The following TECRL variants were observed in gnomAD, a reference collection of about 807,000 sequenced individuals.
TECRL encodes trans-2,3-enoyl-CoA reductase-like.
TECRL carries 63 observed loss-of-function variants against 52.8 expected under a neutral mutation model. The observed-to-expected ratio is 1.19, with a 90% CI of 0.97 to 1.47. TECRL has a LOEUF of 1.47. TECRL is among the 40% of genes most tolerant of loss of function. TECRL has a pLI of 0.00. For synonymous variants in TECRL, 164 were observed against 141.9 expected (o/e 1.16, Z -1.10); for missense variants, 482 against 429.6 (o/e 1.12, Z -1.08).
intron 1 of TECRL, among the ~76,000 whole-genome samples, chr4:64,400,766 T>C (rs1413221245): frequency 2.0e-5 from 3 of 152,006 alleles, no homozygotes; most frequent in Non-Finnish European, 4.4e-5. Flanking sequence ...AAGTGCCTGC[T>C]CCCCGTTAGC....
intron 8 of TECRL, among the ~76,000 whole-genome samples, chr4:64,295,765 T>C (rs938314652): frequency 6.6e-6 from 1 of 151,918 alleles, no homozygotes; most frequent in Non-Finnish European, 1.5e-5. Context: ...CTCTTATATT[T>C]CTGCAGTTTG....
At chr4:64,298,083 T>G (rs1164766082) in intron 8 of TECRL, among the ~76,000 whole-genome samples, 1 of 151,170 alleles carries the variant, frequency 6.6e-6, no homozygotes, top group Admixed American at 6.6e-5. Context: ...CTATGTATAA[T>G]TAAAAGCACA....
At chr4:64,314,837 T>C (rs952853753) in intron 4 of TECRL, 74 bp from the exon 5 acceptor site, 3 of 1,024,570 alleles carry the variant, frequency 2.9e-6, no homozygotes, top group Non-Finnish European at 4.5e-6. Context: ...CTATGAGTAT[T>C]AGCCTACTGC....
intron 2 of TECRL, among the ~76,000 whole-genome samples, chr4:64,343,585 GAC>G (rs146974193): frequency 2.3e-4 from 35 of 149,114 alleles, no homozygotes; most frequent in Admixed American, 6.0e-4. Flanking sequence ...CACACACACA[GAC>G]ACACACACAC....
intron 2 of TECRL, among the ~76,000 whole-genome samples, chr4:64,330,678 A>T (rs1256962653): frequency 6.6e-6 from 1 of 152,076 alleles, no homozygotes; most frequent in Non-Finnish European, 1.5e-5. Flanking sequence ...TTTATCCCAT[A>T]GAAAGAAATA....
chr4:64,281,231 T>G, intron 10 of TECRL, 145 bp from the exon 11 acceptor site: 2 of 585,230 alleles, frequency 3.4e-6, no homozygotes, highest in Non-Finnish European at 5.8e-6. Flanking sequence ...TAATTTAATT[T>G]TTACATATAA....
At chr4:64,389,805 A>T (rs1407507663) in intron 1 of TECRL, among the ~76,000 whole-genome samples, 1 of 151,886 alleles carries the variant, frequency 6.6e-6, no homozygotes, top group Non-Finnish European at 1.5e-5. Flanking sequence ...ATGAAAGATA[A>T]TTTAAATTGT....
chr4:64,406,503 ACTTT>A (rs1724736049), intron 1 of TECRL, among the ~76,000 whole-genome samples: 1 of 151,960 alleles, frequency 6.6e-6, no homozygotes, highest in South Asian at 2.1e-4. Context: ...TATGTATATT[ACTTT>A]CTCTCTCCAA....
intron 11 of TECRL, among the ~76,000 whole-genome samples, chr4:64,280,429 A>G (rs929727862): frequency 9.2e-5 from 14 of 152,150 alleles, no homozygotes; most frequent in Admixed American, 3.9e-4. Flanking sequence ...CATATTTTAT[A>G]TACCACTGCC....
chr4:64,288,479 G>A (rs571149823), intron 9 of TECRL, among the ~76,000 whole-genome samples: 5 of 152,126 alleles, frequency 3.3e-5, no homozygotes, highest in Non-Finnish European at 7.4e-5. Flanking sequence ...TTCCTCATAA[G>A]CTGATCGAAA....
intron 2 of TECRL, among the ~76,000 whole-genome samples, chr4:64,374,743 A>G (rs934779767): frequency 2.6e-5 from 4 of 152,126 alleles, no homozygotes; most frequent in South Asian, 2.1e-4. Context: ...ACATGAACTC[A>G]TCCTTTTTTA....
chr4:64,403,285 C>G (rs994185128), intron 1 of TECRL, among the ~76,000 whole-genome samples: 49 of 151,800 alleles, frequency 3.2e-4, no homozygotes, highest in African/African-American at 1.2e-3. Context: ...TAACCATGAC[C>G]ACTCCCCTGA....
At chr4:64,356,720 C>CTG (rs10654817) in intron 2 of TECRL, among the ~76,000 whole-genome samples, 47 of 151,910 alleles carry the variant, frequency 3.1e-4, no homozygotes, top group Non-Finnish European at 3.5e-4. Context: ...GAGACCAATG[C>CTG]GTTAGCAGGT....
chr4:64,337,078 T>C (rs1719145696), intron 2 of TECRL, among the ~76,000 whole-genome samples: 1 of 152,064 alleles, frequency 6.6e-6, no homozygotes, highest in African/African-American at 2.4e-5. Context: ...ATTTTCTGTC[T>C]CATTGATCTG....
intron 1 of TECRL, among the ~76,000 whole-genome samples, chr4:64,408,714 A>G (rs114072110): frequency 0.015 from 2,324 of 152,208 alleles, 52 homozygotes; most frequent in African/African-American, 0.053. Flanking sequence ...GCTTTTGCTT[A>G]CTATTTTCTA....
intron 2 of TECRL, among the ~76,000 whole-genome samples, chr4:64,368,413 A>G (rs1452391441): frequency 6.6e-6 from 1 of 151,116 alleles, no homozygotes; most frequent in Non-Finnish European, 1.5e-5. Flanking sequence ...CTCCTGCCTC[A>G]GCCTCCTGAG....
rs143615632 is a variant in TECRL at position 64,315,184 on chromosome 4, C to T, written c.436-421G>A. 1.8e-3 allele frequency among the ~76,000 whole-genome samples: 268 copies of T among 152,092 alleles called. 1 individual carries two copies. The highest frequency in any genetic ancestry group is 6.1e-3 in the African/African-American group (253 of 41,526). On this transcript the variant is annotated intron_variant, in intron 4 of 11. Transcript: ENST00000381210. ...TCTTATTCTTTTCTTCCCTACCCTA[C>T]CCTCCATGGGCCTGTCAGCTTGAAT...
intron 8 of TECRL, among the ~76,000 whole-genome samples, chr4:64,292,481 C>A (rs1409294997): frequency 6.6e-6 from 1 of 151,688 alleles, no homozygotes; most frequent in African/African-American, 2.4e-5. Flanking sequence ...GAAAACATTG[C>A]CCAGATAAAT....
rs7688777 is a variant in TECRL at position 64,287,270 on chromosome 4, T to C, written c.832+2440A>G. On this transcript the variant is annotated intron_variant, in intron 9 of 11. Transcript: ENST00000381210. Reference sequence around the variant, plus strand: ...AAGTTGAGTACTCATCACAATATTATGTAATGTGTAATAACAAACATATGC... The same window carrying C: ...AAGTTGAGTACTCATCACAATATTACGTAATGTGTAATAACAAACATATGC... Among the ~76,000 whole-genome samples, 1,259 of 152,280 alleles carry C rather than the reference T, an allele frequency of 8.3e-3. 14 individuals carry two copies. The highest frequency in any genetic ancestry group is 0.029 in the African/African-American group (1,221 of 41,556).
Sources: allele counts gnomAD v4.1 joint callset (sites outside exome capture counted in the v4.1 genomes callset), GRCh38; gene constraint gnomAD v4.1.1; transcripts MANE v1.5; gene names NCBI Gene and HGNC (gene_info 2026-07-23, HGNC 2026-07-21).